Variants in HPSE2 observed in about 807,000 individuals in gnomAD.
The protein encoded by HPSE2 is heparanase 2 (inactive).
HPSE2 carries 38 observed loss-of-function variants against 60.5 expected under a neutral mutation model. The ratio of observed to expected loss-of-function variants is 0.63; its 90% confidence interval spans 0.48 to 0.82. The LOEUF (loss-of-function observed/expected upper bound fraction) is 0.82. HPSE2 is among the 40% of genes least tolerant of loss of function. The pLI is 0.00. For synonymous variants in HPSE2, 295 were observed against 293.2 expected, an observed-to-expected ratio of 1.01 and a Z score of -0.06; for missense variants, 713 against 740.4, an observed-to-expected ratio of 0.96 and a Z score of 0.43.
At chr10:98,812,249 T>C (rs1328349951) in intron 3 of HPSE2, among the ~76,000 whole-genome samples, 1 of 152,162 alleles carries the variant, frequency 6.6e-6, no homozygotes, top group Non-Finnish European at 1.5e-5. Flanking sequence ...GGGAGGATTA[T>C]GAATGAATCA....
At chr10:98,965,944 C>T (rs2135250217) in intron 3 of HPSE2, among the ~76,000 whole-genome samples, 1 of 151,996 alleles carries the variant, frequency 6.6e-6, no homozygotes, top group Admixed American at 6.6e-5. Flanking sequence ...GGCTGGAGTG[C>T]AGTGGCGCGA....
At chr10:98,990,366 A>G (rs893538544) in intron 3 of HPSE2, among the ~76,000 whole-genome samples, 1 of 152,260 alleles carries the variant, frequency 6.6e-6, no homozygotes, top group Admixed American at 6.5e-5. Flanking sequence ...TAGATCCCTC[A>G]CATGAGCAGT....
intron 3 of HPSE2, among the ~76,000 whole-genome samples, chr10:98,918,496 G>A (rs1954187640): frequency 6.6e-6 from 1 of 150,492 alleles, no homozygotes; most frequent in African/African-American, 2.5e-5. Context: ...ATACTATGCA[G>A]CCATAAAAAA....
intron 3 of HPSE2, among the ~76,000 whole-genome samples, chr10:98,956,354 G>A (rs1476670173): frequency 1.3e-5 from 2 of 152,146 alleles, no homozygotes; most frequent in African/African-American, 4.8e-5. Flanking sequence ...GTTCAGGCAG[G>A]AAACATGATA....
chr10:99,022,599 A>G (rs11189940), intron 3 of HPSE2, among the ~76,000 whole-genome samples: 15,693 of 151,942 alleles, frequency 0.1, 878 homozygotes, highest in South Asian at 0.19. Flanking sequence ...CCTTCCTTCC[A>G]CTTGAGGAGA....
At chr10:98,920,478 A>G (rs1278156869) in intron 3 of HPSE2, among the ~76,000 whole-genome samples, 3 of 152,190 alleles carry the variant, frequency 2.0e-5, no homozygotes, top group African/African-American at 7.2e-5. Flanking sequence ...AAGTAAATGT[A>G]TTAAGAATGA....
intron 3 of HPSE2, among the ~76,000 whole-genome samples, chr10:98,855,036 G>A (rs980711882): frequency 1.3e-5 from 2 of 152,102 alleles, no homozygotes; most frequent in African/African-American, 4.8e-5. Context: ...GATCCCGTCA[G>A]AGAAAGTTAA....
chr10:98,966,213 C>A (rs1403167526), intron 3 of HPSE2, among the ~76,000 whole-genome samples: 2 of 152,044 alleles, frequency 1.3e-5, no homozygotes, highest in African/African-American at 4.8e-5. Context: ...TTGATGAGGA[C>A]TGAGTTACAC....
chr10:98,899,325 A>G (rs955140250), intron 3 of HPSE2, among the ~76,000 whole-genome samples: 2 of 152,232 alleles, frequency 1.3e-5, no homozygotes, highest in Non-Finnish European at 2.9e-5. Flanking sequence ...GACTTCATTA[A>G]AATTGAAGCA....
intron 3 of HPSE2, among the ~76,000 whole-genome samples, chr10:98,749,293 T>C (rs1949698767): frequency 6.6e-6 from 1 of 152,012 alleles, no homozygotes; most frequent in South Asian, 2.1e-4. Flanking sequence ...TCAACAAATA[T>C]TTATTAAGCA....
Position 98,457,892 on chromosome 10 carries a change from G to C in HPSE2, c.*1682C>G, listed in dbSNP as rs921924410. 6.6e-6 allele frequency: 1 copy of C among 152,410 alleles called. No individual in the cohort carries two copies. The highest frequency in any genetic ancestry group is 1.5e-5 in the Non-Finnish European group (1 of 68,314). The allele number at this position is 152,410 out of a possible 1,614,324, so 9.4% of individuals were successfully genotyped here. ...ACTGACCTGGTGCAGCCTGGTCCTCGGGCTCTCCCTTTCTTGCTCGCTGTA... is the reference window on the plus strand; with the variant it reads ...ACTGACCTGGTGCAGCCTGGTCCTCCGGCTCTCCCTTTCTTGCTCGCTGTA... On this transcript the variant is annotated 3_prime_UTR_variant, in exon 12 of 12. Coordinates refer to ENST00000370552, the MANE Select transcript of HPSE2 (RefSeq NM_021828.5).
chr10:98,547,457 A>G (rs1034533737), intron 9 of HPSE2, among the ~76,000 whole-genome samples: 5 of 150,616 alleles, frequency 3.3e-5, no homozygotes, highest in Non-Finnish European at 7.4e-5. Context: ...CATATACACC[A>G]TGGAATACTA....
rs534983364 is a variant in HPSE2, at chr10:98,840,318, C to G, written c.611-96262G>C. On this transcript the variant is annotated intron_variant, in intron 3 of 11. Transcript: ENST00000370552. ...ATGGCAGAAGGTCTAGAAGAGCAAC[C>G]TATTAAATTTGGACTCCATCCGTAG... 4.6e-5 allele frequency among the ~76,000 whole-genome samples: 7 copies of G among 152,156 alleles called. No homozygotes were observed. The South Asian group carries it at 1.5e-3, about 32-fold the overall frequency.
intron 3 of HPSE2, among the ~76,000 whole-genome samples, chr10:99,029,416 G>A (rs576735316): frequency 3.9e-5 from 6 of 152,310 alleles, no homozygotes; most frequent in Non-Finnish European, 7.4e-5. Flanking sequence ...GGGCCCGGGG[G>A]ACCACTACCA....
chr10:98,963,263 T>C (rs1299881773), intron 3 of HPSE2, among the ~76,000 whole-genome samples: 1 of 152,156 alleles, frequency 6.6e-6, no homozygotes, highest in Admixed American at 6.6e-5. Context: ...TCAAATATAA[T>C]TGCAGAAAAT....
chr10:98,809,384 TAAC>T (rs1268531429), intron 3 of HPSE2, among the ~76,000 whole-genome samples: 1 of 152,108 alleles, frequency 6.6e-6, no homozygotes, highest in Non-Finnish European at 1.5e-5. Context: ...TAATATAATG[TAAC>T]TACTAGAAAC....
rs1247974287 is a variant in HPSE2 at position 98,788,394 on chromosome 10, TTTTG to T, written c.611-44342_611-44339del. 7.9e-3 allele frequency among the ~76,000 whole-genome samples: 676 copies of T among 85,964 alleles called. 12 individuals carry two copies. The highest frequency in any genetic ancestry group is 0.023 in the African/African-American group (636 of 27,720). 56.4% of individuals were successfully genotyped at this position (85,964 alleles called of 152,430 possible). ...AAGTCTGCAGAGGTTACTGCTGTCT[TTTTG>T]TTTGTCTGTGCCCTGCCCCCAGAGA... On this transcript the variant is annotated intron_variant, in intron 3 of 11. Transcript: ENST00000370552.
intron 7 of HPSE2, among the ~76,000 whole-genome samples, chr10:98,631,661 A>G (rs515967): frequency 2.0e-5 from 3 of 151,992 alleles, no homozygotes; most frequent in Non-Finnish European, 4.4e-5. Context: ...TTCCAGGGCC[A>G]TTCCTCCAAA....
intron 9 of HPSE2, among the ~76,000 whole-genome samples, chr10:98,495,173 GT>G (rs1022209273): frequency 4.4e-3 from 647 of 146,968 alleles, no homozygotes; most frequent in Middle Eastern, 6.9e-3. Flanking sequence ...TTTGTTGACA[GT>G]TTTTTTTTTT....
Sources: gnomAD v4.1 joint callset for allele counts (sites outside exome capture counted in the v4.1 genomes callset) on GRCh38, gnomAD v4.1.1 for gene constraint, MANE v1.5 for transcripts, NCBI Gene and HGNC (gene_info 2026-07-23, HGNC 2026-07-21) for gene names.